Variants in ERO1A observed in about 807,000 individuals in gnomAD.
ERO1A encodes endoplasmic reticulum oxidoreductase 1 alpha, also known as ERO1-like protein alpha.
Under a neutral mutation model 76.9 loss-of-function variants are expected in ERO1A, and 49 were observed. That is an observed-to-expected ratio of 0.64 (90% CI 0.51 to 0.81). ERO1A has a LOEUF of 0.81. Among genes scored for constraint, ERO1A ranks in the 30% least tolerant of loss-of-function variants. ERO1A has a pLI of 0.00. For synonymous variants in ERO1A, 174 were observed against 181.2 expected (o/e 0.96, Z 0.32); for missense variants, 448 against 542.1 (o/e 0.83, Z 1.72).
intron 11 of ERO1A, among the ~76,000 whole-genome samples, chr14:52,657,272 T>C (rs1157788660): frequency 6.6e-6 from 1 of 152,202 alleles, no homozygotes; most frequent in Non-Finnish European, 1.5e-5. Flanking sequence ...GGGACAGCTC[T>C]CCTTCATGAG....
chr14:52,661,345 C>T, intron 8 of ERO1A, 41 bp from the exon 9 acceptor site: 3 of 1,414,172 alleles, frequency 2.1e-6, no homozygotes, highest in East Asian at 2.6e-5. Flanking sequence ...TAAATTCCTT[C>T]CAGTGCCCCT....
At chr14:52,695,272 G>A (rs1366486587) in intron 1 of ERO1A, 96 bp downstream of exon 1, 3 of 785,312 alleles carry the variant, frequency 3.8e-6, no homozygotes, top group South Asian at 7.7e-5. Context: ...AGAGATGCAA[G>A]GACGCACCCC....
rs2039509472 is a variant in ERO1A, at chr14:52,642,489, C to T, written c.*1081G>A. On this transcript the variant is annotated 3_prime_UTR_variant, in exon 16 of 16. Coordinates refer to ENST00000395686, the MANE Select transcript of ERO1A (RefSeq NM_014584.3). ...CTTGAAAGTATTATTTATTCTAAGG[C>T]TTACAGTATTATAGTTCCAGAATTG... is the stretch of plus-strand genomic sequence containing the variant. 1 of 152,058 alleles carries T rather than the reference C, an allele frequency of 6.6e-6. No individual in the cohort carries two copies. The highest frequency in any genetic ancestry group is 2.4e-5 in the African/African-American group (1 of 41,404). The allele number at this position is 152,058 out of a possible 1,614,324, so 9.4% of individuals were successfully genotyped here. A position where few individuals can be genotyped will look rare whatever the true frequency, so the allele number is the denominator to read the frequency against.
intron 3 of ERO1A, among the ~76,000 whole-genome samples, chr14:52,681,412 G>A (rs1339995284): frequency 2.6e-5 from 4 of 151,876 alleles, no homozygotes; most frequent in African/African-American, 9.7e-5. Flanking sequence ...TGACCAGCAT[G>A]GACCAACATG....
At chr14:52,686,874 CAA>C (rs5808687) in intron 1 of ERO1A, among the ~76,000 whole-genome samples, 4 of 134,884 alleles carry the variant, frequency 3.0e-5, no homozygotes, top group Admixed American at 7.4e-5. Flanking sequence ...GACTCCATCT[CAA>C]AAAAAAAAAA....
At chr14:52,685,867 CT>C (rs1346495908) in intron 1 of ERO1A, among the ~76,000 whole-genome samples, 1 of 152,186 alleles carries the variant, frequency 6.6e-6, no homozygotes, top group African/African-American at 2.4e-5. Context: ...TATTTTACCC[CT>C]GCCCACTAAA....
At chr14:52,668,737 A>G (rs1233206342) in intron 6 of ERO1A, among the ~76,000 whole-genome samples, 3 of 148,882 alleles carry the variant, frequency 2.0e-5, no homozygotes, top group Non-Finnish European at 4.5e-5. Flanking sequence ...TAAAAAATAA[A>G]TATTACTATA....
intron 4 of ERO1A, among the ~76,000 whole-genome samples, chr14:52,677,643 T>TC (rs1183062729): frequency 6.6e-6 from 1 of 151,614 alleles, no homozygotes. Context: ...GGGAGGAGGA[T>TC]CACTTGGTCA....
At chr14:52,664,766 A>C (rs1594825842) in intron 7 of ERO1A, among the ~76,000 whole-genome samples, 1 of 152,048 alleles carries the variant, frequency 6.6e-6, no homozygotes, top group Admixed American at 6.5e-5. Flanking sequence ...ATCTGGGCTC[A>C]CTGCAAGCTC....
Position 52,666,348 on chromosome 14 carries a change from AT to A in ERO1A, c.629+26del, listed in dbSNP as rs757945721. The A allele has an allele frequency of 2.6e-6, 4 of 1,531,828 alleles. No individual in the cohort carries two copies. The African/African-American group carries it at 5.6e-5, about 21-fold the overall frequency. The allele number at this position is 1,531,828 out of a possible 1,614,324, so 94.9% of individuals were successfully genotyped here. ...AGAGAAATCACCACATCTTATAGGAATTTTTCTAAATGAAAATGACACATAC... is the reference window on the plus strand; with the variant it reads ...AGAGAAATCACCACATCTTATAGGAATTTTCTAAATGAAAATGACACATAC... On this transcript the variant is annotated intron_variant, in intron 7 of 15. Transcript: ENST00000395686.
chr14:52,656,010 C>T (rs2040031225), intron 11 of ERO1A, among the ~76,000 whole-genome samples: 1 of 152,176 alleles, frequency 6.6e-6, no homozygotes, highest in Non-Finnish European at 1.5e-5. Context: ...GAGCAAGTGA[C>T]ATTGTCAGCA....
intron 6 of ERO1A, 194 bp downstream of exon 6, chr14:52,671,436 C>CT: frequency 2.4e-6 from 1 of 423,974 alleles, no homozygotes; most frequent in Non-Finnish European, 4.2e-6. Context: ...TCTTTAATAA[C>CT]TTTTTTCTGA....
intron 4 of ERO1A, among the ~76,000 whole-genome samples, chr14:52,676,650 CGTTCTT>C (rs910793845): frequency 3.9e-5 from 6 of 152,136 alleles, no homozygotes; most frequent in African/African-American, 1.4e-4. Context: ...AAGAAGGATA[CGTTCTT>C]GTTGGTCATC....
chr14:52,662,212 A>G (rs1056999039), intron 8 of ERO1A, among the ~76,000 whole-genome samples: 1 of 152,146 alleles, frequency 6.6e-6, no homozygotes, highest in Non-Finnish European at 1.5e-5. Flanking sequence ...ATGGTAAGTG[A>G]CGTGGTTAAT....
At chr14:52,671,331 T>C (rs547967156) in intron 6 of ERO1A, among the ~76,000 whole-genome samples, 1 of 152,340 alleles carries the variant, frequency 6.6e-6, no homozygotes, top group East Asian at 1.9e-4. Context: ...TTAATTTTTT[T>C]GAGTATATAC....
chr14:52,659,833 TAAAAAAA>T (rs11463869), intron 9 of ERO1A, among the ~76,000 whole-genome samples: 3 of 137,650 alleles, frequency 2.2e-5, no homozygotes, highest in East Asian at 2.1e-4. Context: ...GTGTCCTTTT[TAAAAAAA>T]AAAAAAAAGA....
chr14:52,663,020 A>C (rs980807728), intron 8 of ERO1A, among the ~76,000 whole-genome samples: 1 of 152,202 alleles, frequency 6.6e-6, no homozygotes, highest in Non-Finnish European at 1.5e-5. Context: ...TTCTGGTTAC[A>C]AGGACCAGGG....
chr14:52,681,623 T>G (rs2040997315), intron 3 of ERO1A, among the ~76,000 whole-genome samples: 1 of 152,112 alleles, frequency 6.6e-6, no homozygotes, highest in African/African-American at 2.4e-5. Context: ...GTCAACTTTA[T>G]TTTAAAAGTA....
intron 6 of ERO1A, among the ~76,000 whole-genome samples, chr14:52,670,710 G>A (rs959773194): frequency 6.6e-6 from 1 of 152,156 alleles, no homozygotes; most frequent in African/African-American, 2.4e-5. Flanking sequence ...TGTAACTGAA[G>A]CAGATTTTTG....
Sources: gnomAD v4.1 joint callset for allele counts (sites outside exome capture counted in the v4.1 genomes callset) on GRCh38, gnomAD v4.1.1 for gene constraint, MANE v1.5 for transcripts, NCBI Gene and HGNC (gene_info 2026-07-23, HGNC 2026-07-21) for gene names.